The following SULT2B1 variants were observed in gnomAD, a reference collection of about 807,000 sequenced individuals.
SULT2B1 encodes the protein sulfotransferase 2B1.
A neutral mutation model predicts 33.2 loss-of-function variants in SULT2B1; 16 were observed. The observed-to-expected ratio is 0.48, with a 90% CI of 0.33 to 0.73. SULT2B1 has a LOEUF of 0.73. Ranked by LOEUF, SULT2B1 falls within the 30% of genes least tolerant of loss-of-function variation. The probability of loss-of-function intolerance (pLI) is 0.02; values close to 1 mark genes in which losing one functional copy is unlikely to be tolerated. For missense variants in SULT2B1, 500 were observed against 506.0 expected, an observed-to-expected ratio of 0.99 and a Z score of 0.11; for synonymous variants, 186 against 200.5, an observed-to-expected ratio of 0.93 and a Z score of 0.61.
chr19:48,567,570 AGT>A (rs1973262614), intron 1 of SULT2B1, among the ~76,000 whole-genome samples: 2 of 152,016 alleles, frequency 1.3e-5, no homozygotes, highest in Non-Finnish European at 2.9e-5. Context: ...AAAAGAACAC[AGT>A]GTTACCCGTG....
chr19:48,596,917 A>G lies in SULT2B1; in HGVS notation c.824A>G (p.Lys275Arg). The change falls in exon 6 of 7, where the codon AAA becomes AGA. Residue 275 changes from lysine (K) to arginine (R), a missense_variant and splice_region_variant. By Grantham distance (26) the Lys-to-Arg change is conservative. Coordinates refer to ENST00000201586, the MANE Select transcript of SULT2B1 (RefSeq NM_177973.2). Reference sequence around the variant, plus strand: ...CACCGTCGCGGGGCCTTCCTCCGGAAAGGTGCGGGGGTTCTGGGGTTCAGA... The same window carrying G: ...CACCGTCGCGGGGCCTTCCTCCGGAGAGGTGCGGGGGTTCTGGGGTTCAGA... ...LDHRRGAFLR[K>R]GVCGDWKNHF... is the part of the protein sequence containing the mutation. The G allele has an allele frequency of 6.3e-7, 1 of 1,587,492 alleles. No individual in the cohort carries two copies. The highest frequency in any genetic ancestry group is 1.8e-4 in the Middle Eastern group (1 of 5,474).
At chr19:48,561,947 G>A (rs1239011426) in intron 1 of SULT2B1, among the ~76,000 whole-genome samples, 1 of 151,712 alleles carries the variant, frequency 6.6e-6, no homozygotes. Context: ...AAAACCCCAT[G>A]TCTACTAAAA....
intron 1 of SULT2B1, among the ~76,000 whole-genome samples, chr19:48,562,746 C>T (rs1973198328): frequency 6.6e-6 from 1 of 152,014 alleles, no homozygotes; most frequent in African/African-American, 2.4e-5. Flanking sequence ...GTGGCGCGAT[C>T]TCAGCTCATT....
chr19:48,555,067 G>A (rs753489281), intron 1 of SULT2B1, among the ~76,000 whole-genome samples: 10 of 151,918 alleles, frequency 6.6e-5, no homozygotes, highest in Admixed American at 1.3e-4. Context: ...GATGACAGGC[G>A]CGTGCCACTG....
In SULT2B1 at chr19:48,599,389, C is replaced by T. The variant is rs1973770197; in HGVS notation, c.1081C>T (p.His361Tyr). The T allele has an allele frequency of 1.3e-6, 2 of 1,555,110 alleles. No homozygotes were observed. The highest frequency in any genetic ancestry group is 1.7e-6 in the Non-Finnish European group (2 of 1,149,536). The change falls in exon 7 of 7, where the codon CAC becomes TAC. Residue 361 changes from histidine (H) to tyrosine (Y), a missense_variant. By Grantham distance (83) the His-to-Tyr change is moderately conservative. Transcript: ENST00000201586. This position sits in a 1 kb window ranked among gnomAD's most constrained non-coding sequence, Gnocchi z 4.1. ...PSPGQASETP[H>Y]PRPS ...CCCCGGCCAGGCCTCTGAGACCCCGCACCCACGACCCTCATAATAAACACG... is the reference window on the plus strand; with the variant it reads ...CCCCGGCCAGGCCTCTGAGACCCCGTACCCACGACCCTCATAATAAACACG...
Position 48,576,359 on chromosome 19 carries a change from C to CTTTTCT in SULT2B1, c.214+280_214+281insCTTTTT. ...CCTTTCCCCTTTACCCTCTACTTCT[C>CTTTTCT]TTTTTTTTTTTTTTTTTTGTAGAGA... On this transcript the variant is annotated intron_variant, in intron 2 of 6. Transcript: ENST00000201586. Among the ~76,000 whole-genome samples, 41 of 96,712 alleles carry CTTTTCT rather than the reference C, an allele frequency of 4.2e-4. 3 individuals carry two copies. The highest frequency in any genetic ancestry group is 4.6e-4 in the Non-Finnish European group (24 of 52,012). The allele number at this position is 96,712 out of a possible 152,430, so 63.4% of individuals were successfully genotyped here.
intron 5 of SULT2B1, among the ~76,000 whole-genome samples, chr19:48,595,294 G>T (rs555958128): frequency 5.5e-5 from 3 of 54,562 alleles, no homozygotes; most frequent in African/African-American, 1.3e-4. Context: ...AAAAAAAAAG[G>T]CAGAGGGGCA....
chr19:48,588,129 G>C (rs1320411352), intron 3 of SULT2B1, among the ~76,000 whole-genome samples: 2 of 150,808 alleles, frequency 1.3e-5, no homozygotes, highest in Non-Finnish European at 2.9e-5. Context: ...AGAATTGCTG[G>C]AACCTGGGAG....
At chr19:48,568,081 G>C (rs1048526880) in intron 1 of SULT2B1, among the ~76,000 whole-genome samples, 3 of 151,922 alleles carry the variant, frequency 2.0e-5, no homozygotes, top group African/African-American at 7.3e-5. Flanking sequence ...AGACCAGTCT[G>C]GGCAACATAG....
chr19:48,564,883 C>G (rs1362350641), intron 1 of SULT2B1, among the ~76,000 whole-genome samples: 1 of 151,920 alleles, frequency 6.6e-6, no homozygotes, highest in Non-Finnish European at 1.5e-5. Flanking sequence ...CTCTGCCCCC[C>G]AGGTTCAAGC....
chr19:48,565,540 C>T (rs147279994), intron 1 of SULT2B1, among the ~76,000 whole-genome samples: 41 of 151,800 alleles, frequency 2.7e-4, no homozygotes, highest in Middle Eastern at 6.8e-3. Context: ...CCACTACGCC[C>T]GGCTAATTTT....
intron 1 of SULT2B1, among the ~76,000 whole-genome samples, chr19:48,566,917 C>G (rs1037311096): frequency 2.6e-5 from 4 of 151,806 alleles, no homozygotes; most frequent in Non-Finnish European, 5.9e-5. Context: ...ACATGAGAAT[C>G]ACTTGAACCT....
At chr19:48,592,904 C>A (rs16982163) in intron 5 of SULT2B1, 88 bp downstream of exon 5, 97,341 of 1,135,266 alleles carry the variant, frequency 0.086, 4,481 homozygotes, top group Middle Eastern at 0.11. Flanking sequence ...GTCTCAGGAC[C>A]CCTCCGCTTC....
chr19:48,571,697 GAGA>G (rs5828356), intron 1 of SULT2B1, among the ~76,000 whole-genome samples: 97,012 of 150,496 alleles, frequency 0.64, 32,041 homozygotes, highest in African/African-American at 0.74. Context: ...CATGCAAGCG[GAGA>G]AGATGGTCAA....
intron 1 of SULT2B1, among the ~76,000 whole-genome samples, chr19:48,569,957 C>T (rs900513462): frequency 3.3e-5 from 5 of 152,038 alleles, no homozygotes; most frequent in African/African-American, 7.2e-5. Context: ...TGAGCCACCT[C>T]GTCAAGATTG....
At chr19:48,564,674 A>T (rs145488783) in intron 1 of SULT2B1, among the ~76,000 whole-genome samples, 8,031 of 151,932 alleles carry the variant, frequency 0.053, 262 homozygotes, top group Middle Eastern at 0.085. Flanking sequence ...TTAAATTTTT[A>T]AAATTTTTTT....
chr19:48,560,675 A>G (rs749195697), intron 1 of SULT2B1, among the ~76,000 whole-genome samples: 2 of 152,196 alleles, frequency 1.3e-5, no homozygotes, highest in African/African-American at 2.4e-5. Flanking sequence ...AAAACTGTCA[A>G]TGAGGCTGGG....
chr19:48,561,291 G>T (rs977299480), intron 1 of SULT2B1, among the ~76,000 whole-genome samples: 5 of 151,824 alleles, frequency 3.3e-5, no homozygotes, highest in African/African-American at 1.2e-4. Flanking sequence ...AGCTGGTCGT[G>T]GTGGCACATG....
At chr19:48,574,905 G>T (rs936903562) in intron 1 of SULT2B1, among the ~76,000 whole-genome samples, 11 of 152,074 alleles carry the variant, frequency 7.2e-5, no homozygotes, top group African/African-American at 2.4e-4. Context: ...CAACCTATGG[G>T]ATAACTGATG....
Sources: gnomAD v4.1 joint callset for allele counts (sites outside exome capture counted in the v4.1 genomes callset) on GRCh38, gnomAD v4.1.1 for gene constraint, Gnocchi (gnomAD v3.1) non-coding constraint, MANE v1.5 for transcripts, NCBI Gene and HGNC (gene_info 2026-07-23, HGNC 2026-07-21) for gene names.